MS4A6A: variants seen among roughly 807,000 people sequenced by gnomAD.
The protein encoded by MS4A6A is membrane-spanning 4-domains subfamily A member 6A.
MS4A6A carries 19 observed loss-of-function variants against 20.6 expected under a neutral mutation model. The ratio of observed to expected loss-of-function variants is 0.92; its 90% CI spans 0.64 to 1.36. The LOEUF is 1.36. Among genes scored for constraint, MS4A6A ranks in the 40% most tolerant of loss-of-function variants. MS4A6A has a pLI of 0.00. For missense variants in MS4A6A, 272 were observed against 261.1 expected (o/e 1.04, Z -0.29); for synonymous variants, 108 against 105.0 (o/e 1.03, Z -0.17).
intron 2 of MS4A6A, 59 bp downstream of exon 2, chr11:60,181,522 T>A (rs922748878): frequency 6.3e-7 from 1 of 1,599,674 alleles, no homozygotes; most frequent in African/African-American, 1.3e-5. Context: ...TCCCAAGACA[T>A]ATATCATCTC....
chr11:60,175,538 T>C lies in MS4A6A; in HGVS notation c.413A>G (p.Lys138Arg), dbSNP rs764202114. 2.5e-6 allele frequency: 4 copies of C among 1,614,176 alleles called. No homozygotes were observed. The highest frequency in any genetic ancestry group is 1.7e-5 in the Admixed American group (1 of 60,026). ...TGAGGCAGGATTTAAGGTGGCCTGT[T>C]TGACAGACAGGATAATGAAACCCAC... ...ALVGFIILSV[K>R]QATLNPASLQ... Residue 138 changes from lysine to arginine, a missense_variant, in exon 5 of 6, where the codon AAA becomes AGA. Lys to Arg is a conservative substitution (Grantham distance 26). Transcript: ENST00000528851.
At chr11:60,180,195 C>T in intron 2 of MS4A6A, 1 of 564,340 alleles carries the variant, frequency 1.8e-6, no homozygotes, top group South Asian at 2.3e-5. Context: ...AGGAAGGCTT[C>T]TGCATTTCTG....
At chr11:60,183,272 C>T (rs907728767), upstream of MS4A6A, 108 of 1,181,318 alleles carry the variant, frequency 9.1e-5, no homozygotes, top group South Asian at 1.1e-3. Context: ...ATTGCCACTT[C>T]GAGACATACA....
In MS4A6A at chr11:60,175,468, A is replaced by G; in HGVS notation, c.483T>C (p.Tyr161=). The change falls in exon 5 of 6, where the codon TAT becomes TAC. Residue 161 remains tyrosine (Y), a synonymous_variant. Coordinates refer to ENST00000528851, the MANE Select transcript of MS4A6A (RefSeq NM_022349.4). ...GTGAATCATGATAAAAGTAAGAAACATAACTTCTTGTTGGTATATTATTTT... is the reference window on the plus strand; with the variant it reads ...GTGAATCATGATAAAAGTAAGAAACGTAACTTCTTGTTGGTATATTATTTT... ...LDKNNIPTRS[Y]VSYFYHDSLY... is the part of the protein sequence containing the mutation. 6.2e-7 allele frequency: 1 copy of G among 1,614,196 alleles called. No homozygotes were observed. Among genetic ancestry groups the G allele is most frequent in the South Asian group, 1.1e-5 (1 of 91,086 alleles).
intron 2 of MS4A6A, chr11:60,180,560 T>A (rs1309202144): frequency 6.4e-6 from 1 of 157,214 alleles, no homozygotes; most frequent in Admixed American, 6.2e-5. Flanking sequence ...ACTTGTGTCA[T>A]GGGGGTTTGC....
upstream of MS4A6A, chr11:60,183,297 A>G: frequency 3.3e-6 from 3 of 908,876 alleles, no homozygotes; most frequent in Non-Finnish European, 5.0e-6. Flanking sequence ...TCCTGTTGTT[A>G]GGCAAGTCTG....
At chr11:60,172,259 A>G (rs551215206), downstream of MS4A6A, 1 of 1,611,334 alleles carries the variant, frequency 6.2e-7, no homozygotes, top group South Asian at 1.1e-5. Context: ...ACACTCTAGA[A>G]GAAACAAAAT....
At chr11:60,175,644 T>G (rs750495297) in intron 4 of MS4A6A, 33 bp from the exon 5 acceptor site, 1 of 1,596,932 alleles carries the variant, frequency 6.3e-7, no homozygotes, top group Admixed American at 1.7e-5. Flanking sequence ...GGATCATTGC[T>G]AATGACTCAT....
rs1429565678 is a variant in MS4A6A, at chr11:60,175,509, G to A, written c.442C>T (p.Gln148Ter). 1 of 1,613,996 alleles carries A rather than the reference G, an allele frequency of 6.2e-7. No individual in the cohort carries two copies. Among genetic ancestry groups the A allele is most frequent in the South Asian group, 1.1e-5 (1 of 91,074 alleles). The change falls in exon 5 of 6, where the codon CAG (glutamine) becomes TAG (stop). Residue 148 changes from glutamine (Q) to a stop codon, truncating the protein, a stop_gained. Transcript: ENST00000528851. LOFTEE classifies it high-confidence loss of function. ...ATATTATTTTTGTCCAACTCACACT[G>A]CAGTGAGGCAGGATTTAAGGTGGCC... ...KQATLNPASLQCELDKNNIPT... is the reference protein window; with the variant it reads ...KQATLNPASL
At chr11:60,173,742 T>G (rs542792928) in intron 5 of MS4A6A, among the ~76,000 whole-genome samples, 38 of 152,268 alleles carry the variant, frequency 2.5e-4, no homozygotes, top group African/African-American at 6.5e-4. Context: ...TTCTTTTTTT[T>G]GGGGGTGTAA....
chr11:60,172,099 T>A (rs542624811), downstream of MS4A6A: 18 of 1,540,524 alleles, frequency 1.2e-5, no homozygotes, highest in African/African-American at 2.5e-4. Context: ...TCTATAATGG[T>A]TAACTTTTCC....
At chr11:60,172,285 A>C, downstream of MS4A6A, 1 of 1,605,734 alleles carries the variant, frequency 6.2e-7, no homozygotes, top group Non-Finnish European at 8.5e-7. Context: ...AGGTCTTCAG[A>C]CTTCAATCAG....
chr11:60,177,813 T>C (rs998954705), intron 4 of MS4A6A, among the ~76,000 whole-genome samples: 1 of 152,136 alleles, frequency 6.6e-6, no homozygotes, highest in Non-Finnish European at 1.5e-5. Context: ...AGCCTCTGTG[T>C]CTACTTTGGA....
intron 2 of MS4A6A, chr11:60,180,753 A>G: frequency 3.8e-6 from 1 of 264,246 alleles, no homozygotes; most frequent in South Asian, 3.9e-5. Context: ...ACAGGGACAG[A>G]AACCAAATAC....
chr11:60,172,976 C>T lies in MS4A6A; in HGVS notation c.*25G>A. ...TCTTGGTGACATACTCAACACAGTG[C>T]AGGGATAAGATACACTAGGCAAGGT... On this transcript the variant is annotated 3_prime_UTR_variant, in exon 6 of 6. Coordinates refer to ENST00000528851, the MANE Select transcript of MS4A6A (RefSeq NM_022349.4). 1 of 1,613,316 alleles carries T rather than the reference C, an allele frequency of 6.2e-7. No individual in the cohort carries two copies. Among genetic ancestry groups the T allele is most frequent in the Admixed American group, 1.7e-5 (1 of 60,000 alleles).
At chr11:60,173,874 C>T (rs553548629) in intron 5 of MS4A6A, among the ~76,000 whole-genome samples, 19 of 152,252 alleles carry the variant, frequency 1.2e-4, no homozygotes, top group African/African-American at 3.9e-4. Context: ...GCAGAACTGG[C>T]CATCTGATAA....
intron 5 of MS4A6A, 22 bp downstream of exon 5, chr11:60,175,380 C>T (rs1009636845): frequency 7.7e-6 from 12 of 1,554,106 alleles, no homozygotes; most frequent in African/African-American, 5.4e-5. Flanking sequence ...AAGATTAGAA[C>T]ATCCCATCTA....
intron 4 of MS4A6A, chr11:60,176,902 T>C (rs937241394): frequency 6.6e-6 from 1 of 152,186 alleles, no homozygotes; most frequent in Non-Finnish European, 1.5e-5. Flanking sequence ...ATGTTCACTG[T>C]GGGATTGTTC....
At chr11:60,182,259 A>G (rs1370008260) in intron 1 of MS4A6A, 1 of 152,930 alleles carries the variant, frequency 6.5e-6, no homozygotes, top group Non-Finnish European at 1.5e-5. Context: ...GTTAGTAAAA[A>G]CATGTAATAA....
Sources: allele counts gnomAD v4.1 joint callset (sites outside exome capture counted in the v4.1 genomes callset), GRCh38; gene constraint gnomAD v4.1.1; transcripts MANE v1.5; gene names NCBI Gene and HGNC (gene_info 2026-07-23, HGNC 2026-07-21).